CCSER1: variants seen among roughly 807,000 people sequenced by gnomAD.
CCSER1 encodes serine-rich coiled-coil domain-containing protein 1.
A neutral mutation model predicts 82.0 loss-of-function variants in CCSER1; 41 were observed. That is an observed-to-expected ratio of 0.50 (90% CI 0.39 to 0.65). CCSER1 has a LOEUF of 0.65. Among genes scored for constraint, CCSER1 ranks in the 30% least tolerant of loss-of-function variants. CCSER1 has a pLI of 0.00. For synonymous variants in CCSER1, 414 were observed against 383.9 expected (o/e 1.08, Z -0.92); for missense variants, 1,119 against 1,064.2 (o/e 1.05, Z -0.72).
chr4:90,607,881 C>T (rs1488327517), intron 5 of CCSER1, among the ~76,000 whole-genome samples: 1 of 151,896 alleles, frequency 6.6e-6, no homozygotes, highest in African/African-American at 2.4e-5. Context: ...TTTTCAAAAC[C>T]TGAATTTGAA....
At chr4:90,748,379 T>C (rs2149471682) in intron 7 of CCSER1, among the ~76,000 whole-genome samples, 1 of 151,546 alleles carries the variant, frequency 6.6e-6, no homozygotes, top group Non-Finnish European at 1.5e-5. Context: ...TCATTTTTTA[T>C]GGCTGCATAG....
At chr4:90,635,714 T>A (rs897840734) in intron 6 of CCSER1, among the ~76,000 whole-genome samples, 3 of 151,826 alleles carry the variant, frequency 2.0e-5, no homozygotes, top group African/African-American at 7.2e-5. Context: ...AATAGTACAA[T>A]TGGGAAATTA....
At chr4:90,955,821 T>C in intron 9 of CCSER1, among the ~76,000 whole-genome samples, 1 of 152,160 alleles carries the variant, frequency 6.6e-6, no homozygotes, top group East Asian at 1.9e-4. Flanking sequence ...ACCACCATTC[T>C]ACTTATTCGT....
chr4:90,514,242 C>T (rs534521360), intron 5 of CCSER1, among the ~76,000 whole-genome samples: 1 of 152,120 alleles, frequency 6.6e-6, no homozygotes, highest in African/African-American at 2.4e-5. Flanking sequence ...CTAAAATGAC[C>T]TATATATTTT....
chr4:90,755,758 G>A (rs1281453666), intron 7 of CCSER1, among the ~76,000 whole-genome samples: 1 of 152,088 alleles, frequency 6.6e-6, no homozygotes, highest in Admixed American at 6.6e-5. Flanking sequence ...AACTTCTGAA[G>A]GAATTTGTGA....
At chr4:90,962,784 T>C (rs1734174522) in intron 9 of CCSER1, among the ~76,000 whole-genome samples, 1 of 152,156 alleles carries the variant, frequency 6.6e-6, no homozygotes, top group African/African-American at 2.4e-5. Flanking sequence ...ACAACAGGAT[T>C]GTTTTTTTCT....
At chr4:90,507,318 A>AG (rs1218392463) in intron 5 of CCSER1, among the ~76,000 whole-genome samples, 1 of 151,970 alleles carries the variant, frequency 6.6e-6, no homozygotes, top group Non-Finnish European at 1.5e-5. Context: ...AAAAAAAAAA[A>AG]CAATAAGAGG....
intron 1 of CCSER1, among the ~76,000 whole-genome samples, chr4:90,193,059 A>G (rs1208267819): frequency 6.6e-6 from 1 of 152,116 alleles, no homozygotes; most frequent in Non-Finnish European, 1.5e-5. Flanking sequence ...CAAGTCCTAC[A>G]TATCCGTGGT....
intron 5 of CCSER1, among the ~76,000 whole-genome samples, chr4:90,556,440 T>C (rs1172960432): frequency 6.6e-6 from 1 of 152,066 alleles, no homozygotes; most frequent in African/African-American, 2.4e-5. Flanking sequence ...CAGTTGACCC[T>C]TGGACAGTGT....
chr4:90,499,747 A>T (rs1464360615), intron 5 of CCSER1, among the ~76,000 whole-genome samples: 3 of 152,284 alleles, frequency 2.0e-5, no homozygotes, highest in East Asian at 3.9e-4. Flanking sequence ...AAGGAAAAGG[A>T]TAAATGAAAT....
intron 10 of CCSER1, among the ~76,000 whole-genome samples, chr4:91,281,942 T>A (rs960291132): frequency 1.3e-5 from 2 of 152,156 alleles, no homozygotes; most frequent in African/African-American, 4.8e-5. Context: ...GTGTTTTTAG[T>A]TTGTATTTTG....
At chr4:90,575,789 C>A (rs1324296453) in intron 5 of CCSER1, among the ~76,000 whole-genome samples, 2 of 152,054 alleles carry the variant, frequency 1.3e-5, no homozygotes, top group South Asian at 4.1e-4. Flanking sequence ...AATGTTTTGG[C>A]AGAAAATATT....
rs1008738867 is a variant in CCSER1, at chr4:90,469,723, G to A, written c.1724+1369G>A. Among the ~76,000 whole-genome samples, 6 of 152,104 alleles carry A rather than the reference G, an allele frequency of 3.9e-5. No individual in the cohort carries two copies. The East Asian group carries it at 5.8e-4, about 15-fold the overall frequency. ...CTATCAACATTATGGGTGACTTATG[G>A]TTATATATTCTTTTCATGAAGGCTC... On this transcript the variant is annotated intron_variant, in intron 5 of 10. Transcript: ENST00000509176.
intron 10 of CCSER1, among the ~76,000 whole-genome samples, chr4:91,553,142 C>T (rs890833865): frequency 1.3e-5 from 2 of 151,584 alleles, no homozygotes; most frequent in Non-Finnish European, 2.9e-5. Flanking sequence ...TTTTCTGCAT[C>T]TATTGAGATG....
In CCSER1 at chr4:91,032,946, C is replaced by A. The variant is rs1027315818; in HGVS notation, c.2173-53004C>A. Among the ~76,000 whole-genome samples the A allele has an allele frequency of 4.9e-4, 75 of 152,084 alleles. 1 individual carries two copies. The highest frequency in any genetic ancestry group is 1.6e-4 in the Non-Finnish European group (11 of 68,006). On this transcript the variant is annotated intron_variant, in intron 9 of 10. Coordinates refer to ENST00000509176, the MANE Select transcript of CCSER1 (RefSeq NM_001145065.2). ...GCAAGACTTCTTTGGTAGTTCCTTC[C>A]ACCTCCCCGGGAATGGTGTCAAATA...
At chr4:90,825,422 AT>A (rs1466455698) in intron 8 of CCSER1, among the ~76,000 whole-genome samples, 5 of 152,180 alleles carry the variant, frequency 3.3e-5, no homozygotes, top group Admixed American at 6.5e-5. Flanking sequence ...ACTTAGAGTA[AT>A]TTAACAAACG....
intron 9 of CCSER1, among the ~76,000 whole-genome samples, chr4:91,066,781 C>G (rs1720859426): frequency 6.6e-6 from 1 of 152,136 alleles, no homozygotes; most frequent in Non-Finnish European, 1.5e-5. Context: ...TGCTAACATT[C>G]TATGTCTTTA....
In CCSER1 at chr4:90,616,687, A is replaced by T. The variant is rs1170390601; in HGVS notation, c.1725-11338A>T. 2.4e-3 allele frequency among the ~76,000 whole-genome samples: 96 copies of T among 40,740 alleles called. 1 individual carries two copies. The highest frequency in any genetic ancestry group is 5.5e-3 in the Admixed American group (16 of 2,904). 26.7% of individuals were successfully genotyped at this position (40,740 alleles called of 152,430 possible). On this transcript the variant is annotated intron_variant, in intron 5 of 10. Coordinates refer to ENST00000509176, the MANE Select transcript of CCSER1 (RefSeq NM_001145065.2). Reference sequence around the variant, plus strand: ...GCCACAGAGTGTGGCTCTGTCTCACACACACACACACACACACACACACAC... The same window carrying T: ...GCCACAGAGTGTGGCTCTGTCTCACTCACACACACACACACACACACACAC...
intron 3 of CCSER1, among the ~76,000 whole-genome samples, chr4:90,345,858 T>G (rs1742235235): frequency 6.6e-6 from 1 of 152,124 alleles, no homozygotes; most frequent in Non-Finnish European, 1.5e-5. Flanking sequence ...GTTTAAATCA[T>G]TTCAGAAATC....
Sources: gnomAD v4.1 joint callset for allele counts (sites outside exome capture counted in the v4.1 genomes callset) on GRCh38, gnomAD v4.1.1 for gene constraint, MANE v1.5 for transcripts, NCBI Gene and HGNC (gene_info 2026-07-23, HGNC 2026-07-21) for gene names.